KDM4B: variants seen among roughly 807,000 people sequenced by gnomAD.
KDM4B encodes lysine-specific demethylase 4B.
Under a neutral mutation model 125.2 loss-of-function variants are expected in KDM4B, and 32 were observed. That is an observed-to-expected ratio of 0.26 (90% CI 0.19 to 0.34). KDM4B has a LOEUF of 0.34. KDM4B is among the 10% of genes least tolerant of loss of function. The pLI is 1.00. For synonymous variants in KDM4B, 721 were observed against 677.9 expected (o/e 1.06, Z -0.99); for missense variants, 1,190 against 1,577.7 (o/e 0.75, Z 4.16).
intron 21 of KDM4B, 90 bp from the exon 22 acceptor site, chr19:5,150,268 G>A: frequency 9.2e-7 from 1 of 1,082,050 alleles, no homozygotes; most frequent in Non-Finnish European, 1.4e-6. Flanking sequence ...ACCCAAGGGG[G>A]CTGGCCTCCC....
intron 2 of KDM4B, among the ~76,000 whole-genome samples, chr19:5,017,922 A>C (rs1360891256): frequency 6.6e-6 from 1 of 151,312 alleles, no homozygotes; most frequent in African/African-American, 2.4e-5. Flanking sequence ...TTGTATTTTC[A>C]GTAGAGATGG....
intron 7 of KDM4B, among the ~76,000 whole-genome samples, chr19:5,073,843 G>T (rs1019739597): frequency 1.3e-5 from 2 of 152,182 alleles, no homozygotes; most frequent in East Asian, 3.8e-4. Context: ...CTGGCCAGGT[G>T]CAGTAGCTCA....
intron 6 of KDM4B, among the ~76,000 whole-genome samples, chr19:5,049,685 C>T (rs1312533524): frequency 1.3e-5 from 2 of 152,150 alleles, no homozygotes; most frequent in African/African-American, 2.4e-5. Flanking sequence ...CACGACACCC[C>T]ATGCCTGCGA....
At chr19:5,031,602 A>T (rs1309938992) in intron 2 of KDM4B, among the ~76,000 whole-genome samples, 1 of 149,894 alleles carries the variant, frequency 6.7e-6, no homozygotes, top group Non-Finnish European at 1.5e-5. Context: ...GCTGGGGCTC[A>T]GCGCTGGGTA....
chr19:5,033,186 T>C (rs947403611), intron 3 of KDM4B, among the ~76,000 whole-genome samples, 155 bp downstream of exon 3: 2 of 152,294 alleles, frequency 1.3e-5, no homozygotes, highest in East Asian at 1.9e-4. Context: ...AGCGCCTGTT[T>C]GTGGAGTTCC....
intron 3 of KDM4B, among the ~76,000 whole-genome samples, chr19:5,034,119 G>C (rs888185799): frequency 2.6e-5 from 4 of 152,218 alleles, no homozygotes; most frequent in Non-Finnish European, 5.9e-5. Flanking sequence ...GGACGACAGA[G>C]GAAGATTCTG....
chr19:5,131,873 G>A lies in KDM4B; in HGVS notation c.1786-14G>A, dbSNP rs779067007. 6.2e-7 allele frequency: 1 copy of A among 1,612,778 alleles called. No homozygotes were observed. Among genetic ancestry groups the A allele is most frequent in the African/African-American group, 1.3e-5 (1 of 75,030 alleles). On this transcript the variant is annotated splice_polypyrimidine_tract_variant and intron_variant, in intron 12 of 22. Transcript: ENST00000159111. ...TGTAGCGGGGCCCTCACTACAGCCT[G>A]TTGTGTGTTTCAGGCACCGTCCACA...
intron 21 of KDM4B, among the ~76,000 whole-genome samples, chr19:5,149,343 C>A (rs1568329078): frequency 6.6e-6 from 1 of 152,206 alleles, no homozygotes; most frequent in Non-Finnish European, 1.5e-5. Context: ...GCATTTTGTT[C>A]ATTTTGAGAC....
In KDM4B at chr19:5,006,632, G is replaced by A. The variant is rs138585335; in HGVS notation, c.-108-9625G>A. ...TACTAAAATTACAAAAATTAGCTGG[G>A]CATGGTGGCGCATGCCTGTCATCCC... On this transcript the variant is annotated intron_variant, in intron 1 of 22. Coordinates refer to ENST00000159111, the MANE Select transcript of KDM4B (RefSeq NM_015015.3). 9.8e-3 allele frequency among the ~76,000 whole-genome samples: 1,486 copies of A among 152,250 alleles called. 32 individuals carry two copies. Among genetic ancestry groups the A allele is most frequent in the African/African-American group, 0.034 (1,411 of 41,536 alleles).
At chr19:5,129,796 C>A (rs2039511315) in intron 11 of KDM4B, among the ~76,000 whole-genome samples, 4 of 152,336 alleles carry the variant, frequency 2.6e-5, no homozygotes, top group African/African-American at 9.6e-5. Flanking sequence ...GCAGGCAGGG[C>A]CCCAGGGCCC....
At chr19:5,066,761 G>C (rs772481323) in intron 6 of KDM4B, among the ~76,000 whole-genome samples, 1 of 152,228 alleles carries the variant, frequency 6.6e-6, no homozygotes, top group Non-Finnish European at 1.5e-5. Context: ...TCCCGGGCTG[G>C]AGATGCGGAG....
At chr19:5,084,960 C>T (rs1239284237) in intron 9 of KDM4B, among the ~76,000 whole-genome samples, 1 of 151,518 alleles carries the variant, frequency 6.6e-6, no homozygotes, top group Non-Finnish European at 1.5e-5. Context: ...CCCACCTCGG[C>T]CTCGAAAAGT....
In KDM4B at chr19:5,048,331, CGTGA is replaced by C. The variant is rs778115156; in HGVS notation, c.626+670_626+673del. Among the ~76,000 whole-genome samples, 237 of 152,244 alleles carry C rather than the reference CGTGA, an allele frequency of 1.6e-3. 1 individual carries two copies. Among genetic ancestry groups the C allele is most frequent in the Middle Eastern group, 3.4e-3 (1 of 294 alleles). On this transcript the variant is annotated intron_variant, in intron 6 of 22. Transcript: ENST00000159111. ...GTGTGCGCGCGCATGTGAGTGCGCA[CGTGA>C]GTGAGTGTGAGTATGCATGCGTGTG...
intron 1 of KDM4B, among the ~76,000 whole-genome samples, chr19:4,974,724 C>T (rs1266425270): frequency 7.0e-6 from 1 of 142,196 alleles, no homozygotes; most frequent in Non-Finnish European, 1.5e-5. Flanking sequence ...GGAGACAGAG[C>T]GAGACTCTGT....
intron 1 of KDM4B, among the ~76,000 whole-genome samples, chr19:5,012,649 G>A (rs1026755446): frequency 5.3e-5 from 8 of 152,234 alleles, no homozygotes; most frequent in Non-Finnish European, 8.8e-5. Context: ...ATTGGGGTGT[G>A]TCTGGCATTT....
rs1249341248 is a variant in KDM4B, at chr19:5,144,043, C to T, written c.2627C>T (p.Thr876Met). 2.5e-6 allele frequency: 4 copies of T among 1,605,500 alleles called. No homozygotes were observed. Among genetic ancestry groups the T allele is most frequent in the Non-Finnish European group, 3.4e-6 (4 of 1,173,710 alleles). Residue 876 changes from threonine to methionine, a missense_variant, in exon 19 of 23, where the codon ACG becomes ATG. Around this residue, in one of 7 missense-constraint regions of KDM4B, gnomAD observed 298 missense variants for 439.7 expected, o/e 0.68. Transcript: ENST00000159111. ...CAGTGCTCCTACGAGCACTGCTCCA[C>T]GTCCTTCCACGTGACCTGCGCCCAC... is the stretch of plus-strand genomic sequence containing the variant. ...CIQCSYEHCSTSFHVTCAHAA... is the reference protein window; with the variant it reads ...CIQCSYEHCSMSFHVTCAHAA...
intron 1 of KDM4B, among the ~76,000 whole-genome samples, chr19:4,998,445 G>A (rs2145416061): frequency 6.6e-6 from 1 of 152,214 alleles, no homozygotes; most frequent in East Asian, 1.9e-4. Flanking sequence ...CCCCCATGTG[G>A]CGACATTCCC....
chr19:5,111,764 C>A (rs770694482), intron 10 of KDM4B: 2 of 765,058 alleles, frequency 2.6e-6, no homozygotes, highest in South Asian at 1.3e-5. Context: ...TGTGACTTGG[C>A]GACTTTGCAG....
chr19:4,979,811 A>G (rs1191785296), intron 1 of KDM4B, among the ~76,000 whole-genome samples: 1 of 152,222 alleles, frequency 6.6e-6, no homozygotes, highest in African/African-American at 2.4e-5. Context: ...TTCTTAAAGT[A>G]TACAATTCAG....
Sources: allele counts gnomAD v4.1 joint callset (sites outside exome capture counted in the v4.1 genomes callset), GRCh38; gene constraint gnomAD v4.1.1; regional missense constraint gnomAD v4.1.1; transcripts MANE v1.5; gene names NCBI Gene and HGNC (gene_info 2026-07-23, HGNC 2026-07-21).